The following RASGRF1 variants were observed in gnomAD, a reference collection of about 807,000 sequenced individuals.
The protein encoded by RASGRF1 is ras-specific guanine nucleotide-releasing factor 1.
A neutral mutation model predicts 138.7 loss-of-function variants in RASGRF1; 40 were observed. That is an observed-to-expected ratio of 0.29 (90% CI 0.22 to 0.38). RASGRF1 has a LOEUF of 0.38. Among genes scored for constraint, RASGRF1 ranks in the 10% least tolerant of loss-of-function variants. RASGRF1 has a pLI of 1.00. For synonymous variants in RASGRF1, 614 were observed against 663.2 expected (o/e 0.93, Z 1.14); for missense variants, 1,108 against 1,650.4 (o/e 0.67, Z 5.69).
chr15:79,047,807 C>T (rs759118238), intron 4 of RASGRF1, among the ~76,000 whole-genome samples: 16 of 152,274 alleles, frequency 1.1e-4, no homozygotes, highest in Non-Finnish European at 1.6e-4. Flanking sequence ...TGCAAGCTCA[C>T]GGTCCACACT....
intron 4 of RASGRF1, among the ~76,000 whole-genome samples, chr15:79,047,400 T>C: frequency 6.6e-6 from 1 of 152,194 alleles, no homozygotes; most frequent in Non-Finnish European, 1.5e-5. Flanking sequence ...GCTCTATGTC[T>C]CCATAATGGG....
At chr15:78,986,831 T>C (rs1162015121) in intron 22 of RASGRF1, among the ~76,000 whole-genome samples, 1 of 152,188 alleles carries the variant, frequency 6.6e-6, no homozygotes, top group Non-Finnish European at 1.5e-5. Context: ...TACTTAAGAA[T>C]GGAACTACTA....
chr15:79,062,010 A>G (rs2057613711), intron 2 of RASGRF1, among the ~76,000 whole-genome samples: 2 of 152,194 alleles, frequency 1.3e-5, no homozygotes, highest in Admixed American at 6.5e-5. Context: ...GTGCCATTTT[A>G]TCTTCCTGCC....
At chr15:79,012,749 C>G (rs1218025712) in intron 13 of RASGRF1, among the ~76,000 whole-genome samples, 1 of 152,124 alleles carries the variant, frequency 6.6e-6, no homozygotes, top group African/African-American at 2.4e-5. Flanking sequence ...GTGGTGAGGT[C>G]TCGGCTCACT....
chr15:79,027,733 G>A lies in RASGRF1; in HGVS notation c.1381+8C>T. The A allele has an allele frequency of 1.2e-6, 2 of 1,613,184 alleles. No homozygotes were observed. The highest frequency in any genetic ancestry group is 8.5e-7 in the Non-Finnish European group (1 of 1,179,100). ...GGGGGCAGGGGAGACAGGGTGCAGAGGCCATACCTTGTCTCACAAAGGTCT... is the reference window on the plus strand; with the variant it reads ...GGGGGCAGGGGAGACAGGGTGCAGAAGCCATACCTTGTCTCACAAAGGTCT... On this transcript the variant is annotated splice_region_variant and intron_variant, in intron 9 of 26. Transcript: ENST00000558480. The surrounding 1 kb of genome is among the most constrained non-coding windows in gnomAD (Gnocchi z 4.8).
chr15:78,999,423 G>A (rs933707219), intron 17 of RASGRF1, among the ~76,000 whole-genome samples: 7 of 152,164 alleles, frequency 4.6e-5, no homozygotes, highest in African/African-American at 9.6e-5. Flanking sequence ...CTGGCTCTAG[G>A]TGTGGGGTTC....
chr15:78,972,065 G>A (rs2055771810), intron 25 of RASGRF1, 131 bp from the exon 26 acceptor site: 1 of 817,244 alleles, frequency 1.2e-6, no homozygotes, highest in Non-Finnish European at 2.2e-6. Context: ...TTGCCTCCTG[G>A]AAGGTCCCAC....
chr15:78,976,821 G>A (rs797010353), intron 24 of RASGRF1, among the ~76,000 whole-genome samples: 22 of 152,384 alleles, frequency 1.4e-4, no homozygotes, highest in African/African-American at 4.8e-4. Context: ...TCTTGCCCTT[G>A]GCAGGGCCTA....
intron 24 of RASGRF1, among the ~76,000 whole-genome samples, chr15:78,975,771 C>T (rs560539943): frequency 6.6e-6 from 1 of 152,322 alleles, no homozygotes; most frequent in Admixed American, 6.5e-5. Flanking sequence ...CTGCTCGCCT[C>T]AGCTTCCCAA....
At chr15:79,061,957 TTTAACTTTTTA>T (rs752433461) in intron 2 of RASGRF1, among the ~76,000 whole-genome samples, 17 of 152,216 alleles carry the variant, frequency 1.1e-4, no homozygotes, top group Non-Finnish European at 1.9e-4. Flanking sequence ...CAGATGTATG[TTTAACTTTTTA>T]AGCAACTGCC....
chr15:79,080,673 GA>G (rs963722633), intron 1 of RASGRF1, among the ~76,000 whole-genome samples: 21 of 146,644 alleles, frequency 1.4e-4, no homozygotes, highest in Non-Finnish European at 2.0e-4. Flanking sequence ...TTTCCAGTTT[GA>G]AAAAAAAAAG....
intron 1 of RASGRF1, among the ~76,000 whole-genome samples, chr15:79,070,340 T>C (rs1398047577): frequency 6.6e-6 from 1 of 152,032 alleles, no homozygotes; most frequent in South Asian, 2.1e-4. Context: ...AGCATATAAC[T>C]GGGAAAAAAG....
chr15:79,027,934 T>A lies in RASGRF1; in HGVS notation c.1263-75A>T. 1 of 1,441,336 alleles carries A rather than the reference T, an allele frequency of 6.9e-7. No homozygotes were observed. The allele number at this position is 1,441,336 out of a possible 1,614,324, so 89.3% of individuals were successfully genotyped here. On this transcript the variant is annotated intron_variant, in intron 8 of 26. Transcript: ENST00000558480. This position sits in a 1 kb window ranked among gnomAD's most constrained non-coding sequence, Gnocchi z 4.8. ...CAGGGAGGCGAGAATGCCAGGCTTC[T>A]GGCCAGACCTAGGAAGAAAGCCTGG...
chr15:79,007,966 C>T (rs1176668935), intron 13 of RASGRF1, among the ~76,000 whole-genome samples: 1 of 152,048 alleles, frequency 6.6e-6, no homozygotes, highest in Non-Finnish European at 1.5e-5. Flanking sequence ...CCTCAGCCTC[C>T]CGAGTAGCTG....
intron 21 of RASGRF1, among the ~76,000 whole-genome samples, chr15:78,990,673 T>C (rs554892003): frequency 6.6e-6 from 1 of 152,206 alleles, no homozygotes; most frequent in South Asian, 2.1e-4. Flanking sequence ...GATGAGGGAA[T>C]AGAAGGCCCT....
chr15:78,971,150 C>T (rs941194469), intron 26 of RASGRF1, among the ~76,000 whole-genome samples: 1 of 152,170 alleles, frequency 6.6e-6, no homozygotes, highest in South Asian at 2.1e-4. Context: ...GCTCTCTAGG[C>T]CCTCAGAGCA....
chr15:78,992,983 C>T (rs983752478), intron 20 of RASGRF1, among the ~76,000 whole-genome samples: 5 of 148,324 alleles, frequency 3.4e-5, no homozygotes, highest in Non-Finnish European at 7.6e-5. Context: ...GAGCGAGGAC[C>T]GTGGAGAAAA....
chr15:79,025,295 C>T lies in RASGRF1; in HGVS notation c.1542+19G>A, dbSNP rs1196315569. ...ACCCTAGCTGGGCAGCCCCCAAGCC[C>T]CTCTCCCGTAGCCCTTACCTTGGTC... On this transcript the variant is annotated intron_variant, in intron 10 of 26. Transcript: ENST00000558480. 6.3e-7 allele frequency: 1 copy of T among 1,579,266 alleles called. No individual in the cohort carries two copies. The highest frequency in any genetic ancestry group is 8.6e-7 in the Non-Finnish European group (1 of 1,158,514).
Position 79,027,995 on chromosome 15 carries a change from G to A in RASGRF1, c.1263-136C>T, listed in dbSNP as rs1482197220. The stretch of plus-strand genomic sequence containing the variant: ...CTCAGGTGGAGTCTGTGGTCATGGA[G>A]GGGAAGGGAGTGTGCATTTACTGAG... On this transcript the variant is annotated intron_variant, in intron 8 of 26. Coordinates refer to ENST00000558480, the MANE Select transcript of RASGRF1 (RefSeq NM_001145648.3). The surrounding 1 kb of genome is among the most constrained non-coding windows in gnomAD (Gnocchi z 4.8). 2.3e-6 allele frequency: 2 copies of A among 867,986 alleles called. No individual in the cohort carries two copies. The highest frequency in any genetic ancestry group is 2.4e-5 in the East Asian group (1 of 41,100). The allele number at this position is 867,986 out of a possible 1,614,324, so 53.8% of individuals were successfully genotyped here. A position where few individuals can be genotyped will look rare whatever the true frequency, so the allele number is the denominator to read the frequency against.
Sources: gnomAD v4.1 joint callset for allele counts (sites outside exome capture counted in the v4.1 genomes callset) on GRCh38, gnomAD v4.1.1 for gene constraint, Gnocchi (gnomAD v3.1) non-coding constraint, MANE v1.5 for transcripts, NCBI Gene and HGNC (gene_info 2026-07-23, HGNC 2026-07-21) for gene names.